The following KIF3C variants were observed in gnomAD, a reference collection of about 807,000 sequenced individuals.
The protein encoded by KIF3C is kinesin-like protein KIF3C.
KIF3C carries 12 observed loss-of-function variants against 67.7 expected under a neutral mutation model. The ratio of observed to expected loss-of-function variants is 0.18; its 90% confidence interval spans 0.11 to 0.29. The LOEUF is 0.29. KIF3C is among the 10% of genes least tolerant of loss of function. The pLI is 1.00. For missense variants in KIF3C, 789 were observed against 1,059.6 expected, an observed-to-expected ratio of 0.74 and a Z score of 3.55; for synonymous variants, 393 against 426.2, an observed-to-expected ratio of 0.92 and a Z score of 0.96.
intron 1 of KIF3C, among the ~76,000 whole-genome samples, chr2:25,957,369 A>G (rs961337897): frequency 3.3e-5 from 5 of 152,220 alleles, no homozygotes; most frequent in Admixed American, 6.5e-5. Context: ...AGATTTGTGT[A>G]AACTGTGACT....
intron 5 of KIF3C, among the ~76,000 whole-genome samples, chr2:25,934,714 A>C (rs1220165553): frequency 6.6e-6 from 1 of 152,182 alleles, no homozygotes; most frequent in African/African-American, 2.4e-5. Context: ...ACACTTTAAA[A>C]TGGTGAACTT....
chr2:25,956,466 G>C (rs1007275411), intron 1 of KIF3C, 22 bp from the exon 2 acceptor site: 1 of 1,593,408 alleles, frequency 6.3e-7, no homozygotes, highest in East Asian at 2.2e-5. Flanking sequence ...GAGGGGTTGG[G>C]AGGTGGGCTT....
At chr2:25,941,978 A>G (rs983478766) in intron 5 of KIF3C, among the ~76,000 whole-genome samples, 3 of 152,138 alleles carry the variant, frequency 2.0e-5, no homozygotes, top group Non-Finnish European at 4.4e-5. Context: ...CAGAGGTTTC[A>G]GTGAGCCAAG....
chr2:25,980,669 C>A lies in KIF3C; in HGVS notation c.1249G>T (p.Ala417Ser). The A allele has an allele frequency of 6.2e-7, 1 of 1,614,052 alleles. No homozygotes were observed. The highest frequency in any genetic ancestry group is 8.5e-7 in the Non-Finnish European group (1 of 1,180,028). ...GGGCCCTCAGGGTACCCAGGCGGGG[C>A]GGACACGGCCTTCTTCCTGCGGCTG... The part of the protein sequence containing the change: ...KSSRRKKAVS[A>S]PPGYPEGPVI... The change falls in exon 1 of 8, where the codon GCC becomes TCC. Residue 417 changes from alanine to serine, a missense_variant. Physicochemically the swap from Ala to Ser is moderately conservative, Grantham distance 99. This residue lies in a region of KIF3C where 648 missense variants were observed against 807.8 expected (regional missense o/e 0.80). Transcript: ENST00000264712. The surrounding 1 kb of genome is among the most constrained non-coding windows in gnomAD (Gnocchi z 7.6).
At chr2:25,939,472 C>T (rs768462877) in intron 5 of KIF3C, among the ~76,000 whole-genome samples, 3 of 152,170 alleles carry the variant, frequency 2.0e-5, no homozygotes, top group Admixed American at 6.6e-5. Context: ...GTCCCCGACC[C>T]GCCTGGGAAG....
In KIF3C at chr2:25,950,894, TAAAA is replaced by T. The variant is rs10561610; in HGVS notation, c.2006+891_2006+894del. Reference sequence around the variant, plus strand: ...AAATAGGCATCTAAGCTATAGTTGTTAAAAAAAAAAAAAAGAAGAAGAAAAGAAA... The same window carrying T: ...AAATAGGCATCTAAGCTATAGTTGTTAAAAAAAAAAGAAGAAGAAAAGAAA... On this transcript the variant is annotated intron_variant, in intron 5 of 7. Transcript: ENST00000264712. Among the ~76,000 whole-genome samples the T allele has an allele frequency of 2.2e-5, 3 of 134,532 alleles. No individual in the cohort carries two copies. In the Admixed American group the frequency reaches 2.3e-4, roughly 11 times the overall value. 88.3% of individuals were successfully genotyped at this position (134,532 alleles called of 152,430 possible).
At position 25,981,568 on chromosome 2, in the gene KIF3C, C is replaced by T; in HGVS notation, c.350G>A (p.Arg117His). 3.7e-6 allele frequency: 6 copies of T among 1,614,222 alleles called. No homozygotes were observed. Among genetic ancestry groups the T allele is most frequent in the Non-Finnish European group, 4.2e-6 (5 of 1,180,046 alleles). ...MQGTWVEPEL[R>H]GVIPNAFEHI... ...CTCAAAGGCATTCGGGATGACCCCG[C>T]GCAGCTCGGGCTCCACCCAGGTCCC... Residue 117 changes from arginine to histidine, a missense_variant, in exon 1 of 8, where the codon CGC becomes CAC. Physicochemically the swap from Arg to His is conservative, Grantham distance 29. Transcript: ENST00000264712. The surrounding 1 kb of genome is among the most constrained non-coding windows in gnomAD (Gnocchi z 8.2).
chr2:25,971,574 T>A (rs1479635039), intron 1 of KIF3C, among the ~76,000 whole-genome samples: 2 of 152,196 alleles, frequency 1.3e-5, no homozygotes, highest in African/African-American at 4.8e-5. Context: ...GCCCAGGAAC[T>A]TCTCAGGATA....
At chr2:25,937,351 G>C (rs906415317) in intron 5 of KIF3C, among the ~76,000 whole-genome samples, 1 of 152,160 alleles carries the variant, frequency 6.6e-6, no homozygotes, top group Admixed American at 6.6e-5. Context: ...CATATAAAAA[G>C]GTGCCGTACC....
intron 1 of KIF3C, among the ~76,000 whole-genome samples, chr2:25,973,471 T>C (rs1664331891): frequency 6.6e-6 from 1 of 151,288 alleles, no homozygotes; most frequent in Admixed American, 6.6e-5. Flanking sequence ...GGAGAATTGC[T>C]TGAACCCGGG....
intron 5 of KIF3C, among the ~76,000 whole-genome samples, chr2:25,936,558 C>A (rs1362125195): frequency 6.6e-6 from 1 of 152,036 alleles, no homozygotes; most frequent in Non-Finnish European, 1.5e-5. Context: ...TATCTGTATG[C>A]CTGCCATCCA....
intron 1 of KIF3C, among the ~76,000 whole-genome samples, chr2:25,962,162 CA>C (rs1354822082): frequency 6.6e-6 from 1 of 152,102 alleles, no homozygotes; most frequent in Non-Finnish European, 1.5e-5. Context: ...GAAGGTAATA[CA>C]TTTACGAAAT....
In KIF3C at chr2:25,951,813, A is replaced by C; in HGVS notation, c.1982T>G (p.Phe661Cys). 6.2e-7 allele frequency: 1 copy of C among 1,612,946 alleles called. No homozygotes were observed. Among genetic ancestry groups the C allele is most frequent in the African/African-American group, 1.3e-5 (1 of 75,054 alleles). ...FLDCEEEQWK[F>C]QPLVPAGVSS... The stretch of plus-strand genomic sequence containing the variant: ...CACGCCGGCTGGCACCAGTGGCTGG[A>C]ACTTCCACTGCTCCTCCTCACAGTC... The change falls in exon 5 of 8, where the codon TTC becomes TGC. Residue 661 changes from phenylalanine to cysteine, a missense_variant. Coordinates refer to ENST00000264712, the MANE Select transcript of KIF3C (RefSeq NM_002254.8).
At chr2:25,939,411 C>A (rs1181565044) in intron 5 of KIF3C, among the ~76,000 whole-genome samples, 10 of 152,118 alleles carry the variant, frequency 6.6e-5, no homozygotes, top group South Asian at 2.1e-4. Flanking sequence ...CCACCTTGTT[C>A]CACTGCCCTG....
chr2:25,975,734 G>T (rs1197925935), intron 1 of KIF3C, among the ~76,000 whole-genome samples: 1 of 152,078 alleles, frequency 6.6e-6, no homozygotes, highest in South Asian at 2.1e-4. Flanking sequence ...TGAGGCGGGT[G>T]GATCATGAGG....
In KIF3C at chr2:25,965,066, G is replaced by C. The variant is rs546158495; in HGVS notation, c.1546-8622C>G. ...CTAACTGGCCACTATCACTCCACCC[G>C]TCTGTCCAATGCCCCTGTGTTTCTC... is the stretch of plus-strand genomic sequence containing the variant. On this transcript the variant is annotated intron_variant, in intron 1 of 7. Transcript: ENST00000264712. Among the ~76,000 whole-genome samples, 10 of 152,270 alleles carry C rather than the reference G, an allele frequency of 6.6e-5. No homozygotes were observed. In the East Asian group the frequency reaches 1.7e-3, roughly 26 times the overall value.
chr2:25,959,715 CA>C (rs1344325828), intron 1 of KIF3C, among the ~76,000 whole-genome samples: 1 of 152,150 alleles, frequency 6.6e-6, no homozygotes, highest in Non-Finnish European at 1.5e-5. Context: ...GCTGGGATTA[CA>C]GGTGTGAGCC....
At chr2:25,951,464 A>G in intron 5 of KIF3C, 1 of 274,434 alleles carries the variant, frequency 3.6e-6, no homozygotes, top group East Asian at 8.9e-5. Flanking sequence ...CTGACAAATG[A>G]ATATTCACCA....
At position 25,929,355 on chromosome 2, in the gene KIF3C, G is replaced by A; in HGVS notation, c.2238C>T (p.Asp746=). The part of the protein sequence containing the change: ...ALHMERLMRL[D]SFLERPSTSK... ...ACGTGGAAGGTCTTTCCAGAAAGCT[G>A]TCCAATCGCATGAGCCTCTCCATGT... Residue 746 remains aspartate, a synonymous_variant, in exon 7 of 8, where the codon GAC becomes GAT. Transcript: ENST00000264712. 1 of 1,614,144 alleles carries A rather than the reference G, an allele frequency of 6.2e-7. No individual in the cohort carries two copies. The highest frequency in any genetic ancestry group is 8.5e-7 in the Non-Finnish European group (1 of 1,180,008).
Sources: gnomAD v4.1 joint callset for allele counts (sites outside exome capture counted in the v4.1 genomes callset) on GRCh38, gnomAD v4.1.1 for gene constraint, gnomAD v4.1.1 regional missense constraint, Gnocchi (gnomAD v3.1) non-coding constraint, MANE v1.5 for transcripts, NCBI Gene and HGNC (gene_info 2026-07-23, HGNC 2026-07-21) for gene names.